The following SLX4IP variants were observed in gnomAD, a reference collection of about 807,000 sequenced individuals.
SLX4IP encodes protein SLX4IP.
A neutral mutation model predicts 32.9 loss-of-function variants in SLX4IP; 34 were observed. The ratio of observed to expected loss-of-function variants is 1.03; its 90% CI spans 0.79 to 1.38. The LOEUF (loss-of-function observed/expected upper bound fraction) is 1.38. Ranked by LOEUF, SLX4IP falls within the 40% of genes most tolerant of loss-of-function variation. The pLI is 0.00. For synonymous variants in SLX4IP, 172 were observed against 171.7 expected (o/e 1.00, Z -0.01); for missense variants, 444 against 479.0 (o/e 0.93, Z 0.68).
intron 5 of SLX4IP, among the ~76,000 whole-genome samples, chr20:10,600,662 ATACCTTAT>A (rs2122548562): frequency 1.3e-5 from 2 of 152,250 alleles, no homozygotes; most frequent in South Asian, 4.1e-4. Context: ...TCAAATTGAG[ATACCTTAT>A]TACCTCAGTC....
chr20:10,471,950 G>A (rs569491899), intron 2 of SLX4IP, among the ~76,000 whole-genome samples: 2 of 152,274 alleles, frequency 1.3e-5, no homozygotes, highest in East Asian at 1.9e-4. Flanking sequence ...GAAAGTGGAA[G>A]CTGCCAGCTT....
chr20:10,482,815 A>T (rs2065535572), intron 2 of SLX4IP, among the ~76,000 whole-genome samples: 1 of 152,216 alleles, frequency 6.6e-6, no homozygotes, highest in Non-Finnish European at 1.5e-5. Flanking sequence ...GTATAAATTT[A>T]CTAAAACTCA....
intron 2 of SLX4IP, among the ~76,000 whole-genome samples, chr20:10,466,413 C>A (rs2065380892): frequency 6.6e-6 from 1 of 152,136 alleles, no homozygotes; most frequent in Non-Finnish European, 1.5e-5. Flanking sequence ...GTCTAGAATT[C>A]TTTTGGCTGC....
intron 3 of SLX4IP, among the ~76,000 whole-genome samples, chr20:10,557,727 T>C (rs1295938035): frequency 1.3e-5 from 2 of 152,242 alleles, no homozygotes; most frequent in Non-Finnish European, 2.9e-5. Context: ...ACCTTTCTTG[T>C]TAATATTGAG....
chr20:10,445,303 TTTTC>T (rs1374988008), intron 1 of SLX4IP, among the ~76,000 whole-genome samples: 2 of 144,014 alleles, frequency 1.4e-5, no homozygotes, highest in African/African-American at 2.5e-5. Flanking sequence ...GCTTTTTCTT[TTTTC>T]TTTCTTTTTT....
At chr20:10,492,391 C>G (rs1477698994) in intron 2 of SLX4IP, among the ~76,000 whole-genome samples, 1 of 152,104 alleles carries the variant, frequency 6.6e-6, no homozygotes, top group Non-Finnish European at 1.5e-5. Flanking sequence ...TTTGGGAATT[C>G]TTGGTATTGC....
chr20:10,572,144 T>C (rs2066474229), intron 4 of SLX4IP, among the ~76,000 whole-genome samples: 1 of 152,130 alleles, frequency 6.6e-6, no homozygotes, highest in South Asian at 2.1e-4. Context: ...CTTTTAACCA[T>C]TCCTAAGCTT....
intron 2 of SLX4IP, among the ~76,000 whole-genome samples, chr20:10,505,870 T>C (rs186130155): frequency 6.6e-4 from 100 of 152,262 alleles, no homozygotes; most frequent in African/African-American, 2.3e-3. Context: ...ATTTATGAGC[T>C]CTTGCACGGT....
At chr20:10,562,323 G>A (rs969048340) in intron 4 of SLX4IP, among the ~76,000 whole-genome samples, 17 of 152,192 alleles carry the variant, frequency 1.1e-4, no homozygotes, top group Non-Finnish European at 2.1e-4. Flanking sequence ...AGGCCAGAAG[G>A]GGGATCTAGT....
intron 1 of SLX4IP, among the ~76,000 whole-genome samples, chr20:10,456,763 C>G (rs917164611): frequency 6.6e-6 from 1 of 152,164 alleles, no homozygotes; most frequent in Non-Finnish European, 1.5e-5. Flanking sequence ...TTGTTAATTT[C>G]TATAAAGAAG....
chr20:10,508,821 G>A (rs1261992850), intron 2 of SLX4IP, among the ~76,000 whole-genome samples: 1 of 152,162 alleles, frequency 6.6e-6, no homozygotes, highest in Non-Finnish European at 1.5e-5. Context: ...TGGGAAAGGA[G>A]ATAGTCAAAT....
At chr20:10,502,102 A>G (rs1171599423) in intron 2 of SLX4IP, among the ~76,000 whole-genome samples, 1 of 152,238 alleles carries the variant, frequency 6.6e-6, no homozygotes, top group Non-Finnish European at 1.5e-5. Flanking sequence ...AAGGGGGTTA[A>G]GTAACTGCAC....
At chr20:10,510,206 A>G (rs1019588044) in intron 2 of SLX4IP, among the ~76,000 whole-genome samples, 1 of 152,130 alleles carries the variant, frequency 6.6e-6, no homozygotes, top group Non-Finnish European at 1.5e-5. Flanking sequence ...TTTACTAGTC[A>G]CTCTTCTTGA....
chr20:10,455,766 C>T (rs1005135473), intron 1 of SLX4IP, among the ~76,000 whole-genome samples: 70 of 152,094 alleles, frequency 4.6e-4, no homozygotes, highest in African/African-American at 1.6e-3. Context: ...CACACCACCA[C>T]ACCCAGCTAA....
intron 6 of SLX4IP, among the ~76,000 whole-genome samples, chr20:10,617,841 A>G (rs184546182): frequency 9.0e-4 from 136 of 151,744 alleles, no homozygotes; most frequent in Non-Finnish European, 1.6e-3. Flanking sequence ...AGGTCTCACT[A>G]TGTTGCCTAG....
At chr20:10,486,309 T>G (rs1418789608) in intron 2 of SLX4IP, among the ~76,000 whole-genome samples, 1 of 151,090 alleles carries the variant, frequency 6.6e-6, no homozygotes, top group Non-Finnish European at 1.5e-5. Flanking sequence ...CATAACATGT[T>G]GTGAAGGAGT....
At chr20:10,597,947 A>G (rs1167863507) in intron 4 of SLX4IP, among the ~76,000 whole-genome samples, 1 of 152,212 alleles carries the variant, frequency 6.6e-6, no homozygotes, top group South Asian at 2.1e-4. Flanking sequence ...TTCTATATGA[A>G]GATTTTGACA....
intron 4 of SLX4IP, among the ~76,000 whole-genome samples, chr20:10,582,501 A>G (rs1490754396): frequency 1.3e-5 from 2 of 152,144 alleles, no homozygotes; most frequent in Non-Finnish European, 2.9e-5. Context: ...TTTTTATTGA[A>G]TGGTGCACTT....
At chr20:10,556,839 G>A (rs1002140893) in intron 3 of SLX4IP, among the ~76,000 whole-genome samples, 1 of 152,240 alleles carries the variant, frequency 6.6e-6, no homozygotes, top group African/African-American at 2.4e-5. Context: ...AGGAAAGCCA[G>A]TAGCCGGGGG....
Sources: allele counts gnomAD v4.1 joint callset (sites outside exome capture counted in the v4.1 genomes callset), GRCh38; gene constraint gnomAD v4.1.1; transcripts MANE v1.5; gene names NCBI Gene and HGNC (gene_info 2026-07-23, HGNC 2026-07-21).